MAMDC2: variants seen among roughly 807,000 people sequenced by gnomAD.
The protein encoded by MAMDC2 is MAM domain containing 2.
In MAMDC2, 57 loss-of-function variants were observed where a neutral mutation model predicts 89.8. That is an observed-to-expected ratio of 0.63 (90% CI 0.51 to 0.79). The LOEUF (loss-of-function observed/expected upper bound fraction) is 0.79. MAMDC2 is among the 30% of genes least tolerant of loss of function. MAMDC2 has a pLI of 0.00. For synonymous variants in MAMDC2, 313 were observed against 293.4 expected, an observed-to-expected ratio of 1.07 and a Z score of -0.68; for missense variants, 800 against 820.6, an observed-to-expected ratio of 0.97 and a Z score of 0.31.
intron 9 of MAMDC2, among the ~76,000 whole-genome samples, chr9:70,156,679 A>G (rs1227915381): frequency 6.6e-6 from 1 of 152,252 alleles, no homozygotes; most frequent in Non-Finnish European, 1.5e-5. Flanking sequence ...AAGTGGAATA[A>G]GTTTTCATGT....
intron 2 of MAMDC2, chr9:70,062,509 G>T (rs1827171556): frequency 6.6e-6 from 1 of 152,148 alleles, no homozygotes; most frequent in South Asian, 2.1e-4. Context: ...AGATCAGCAG[G>T]TCTAATTTGC....
intron 2 of MAMDC2, among the ~76,000 whole-genome samples, chr9:70,097,707 G>A (rs1055780446): frequency 1.3e-5 from 2 of 152,006 alleles, no homozygotes; most frequent in Admixed American, 6.5e-5. Flanking sequence ...TTAGAAGTGG[G>A]ACCTGCCTAT....
chr9:70,199,266 G>C (rs896062005), intron 11 of MAMDC2, among the ~76,000 whole-genome samples: 1 of 116,578 alleles, frequency 8.6e-6, no homozygotes, highest in African/African-American at 3.2e-5. Flanking sequence ...TGATCTCATT[G>C]TTCCATTCCC....
intron 1 of MAMDC2, 44 bp downstream of exon 1, chr9:70,044,275 C>T (rs757324516): frequency 8.1e-6 from 13 of 1,595,396 alleles, no homozygotes; most frequent in African/African-American, 1.3e-5. Flanking sequence ...GCTCTGACGA[C>T]TCGCCCCCGC....
chr9:70,079,697 TAATA>T (rs1827612003), intron 2 of MAMDC2, among the ~76,000 whole-genome samples: 2 of 152,300 alleles, frequency 1.3e-5, no homozygotes, highest in Non-Finnish European at 2.9e-5. Flanking sequence ...TCAGATGTCA[TAATA>T]AATCTGTCCT....
At chr9:70,072,973 T>C (rs555146208) in intron 2 of MAMDC2, among the ~76,000 whole-genome samples, 52 of 152,134 alleles carry the variant, frequency 3.4e-4, no homozygotes, top group Non-Finnish European at 6.5e-4. Flanking sequence ...GTAGCTGGGA[T>C]TACAGGCATG....
At chr9:70,108,908 T>C (rs542053179) in intron 3 of MAMDC2, among the ~76,000 whole-genome samples, 1 of 152,310 alleles carries the variant, frequency 6.6e-6, no homozygotes, top group African/African-American at 2.4e-5. Context: ...TGAAAATACT[T>C]TAAAAGAGAA....
chr9:70,217,052 C>T (rs943044500), intron 11 of MAMDC2: 5 of 429,854 alleles, frequency 1.2e-5, no homozygotes, highest in Admixed American at 1.1e-4. Flanking sequence ...ATCTACATGC[C>T]GATTAATCCT....
intron 12 of MAMDC2, among the ~76,000 whole-genome samples, chr9:70,219,763 G>A (rs2033524049): frequency 1.3e-5 from 2 of 152,184 alleles, no homozygotes; most frequent in African/African-American, 4.8e-5. Context: ...GTGATTTAAT[G>A]TCTGTTCGAA....
intron 2 of MAMDC2, among the ~76,000 whole-genome samples, chr9:70,106,796 T>C (rs948462385): frequency 2.0e-5 from 3 of 152,154 alleles, no homozygotes; most frequent in African/African-American, 7.2e-5. Flanking sequence ...ATCTTGATCT[T>C]GAAATCCTTC....
intron 2 of MAMDC2, among the ~76,000 whole-genome samples, chr9:70,071,218 T>G (rs1407199071): frequency 6.6e-6 from 1 of 152,152 alleles, no homozygotes; most frequent in Non-Finnish European, 1.5e-5. Context: ...AGACCAACCG[T>G]GAGATGAAGG....
intron 9 of MAMDC2, among the ~76,000 whole-genome samples, chr9:70,155,805 T>C (rs2031741467): frequency 1.3e-5 from 2 of 152,212 alleles, no homozygotes; most frequent in South Asian, 4.1e-4. Context: ...ATCTCATTGA[T>C]CTTGTTGCAG....
chr9:70,126,308 A>C lies in MAMDC2; in HGVS notation c.793A>C (p.Thr265Pro). 6.2e-7 allele frequency: 1 copy of C among 1,613,942 alleles called. No homozygotes were observed. Among genetic ancestry groups the C allele is most frequent in the Non-Finnish European group, 8.5e-7 (1 of 1,179,990 alleles). Reference protein sequence around the residue: ...QGNDNVFSLYTRDVAGLYEEI... With the variant: ...QGNDNVFSLYPRDVAGLYEEI... ...GAATGACAATGTCTTTTCCCTTTACACTCGGGATGTGGCTGGCCTTTACGA... is the reference window on the plus strand; with the variant it reads ...GAATGACAATGTCTTTTCCCTTTACCCTCGGGATGTGGCTGGCCTTTACGA... The change falls in exon 6 of 14, where the codon ACT (threonine) becomes CCT (proline). Residue 265 changes from threonine to proline, a missense_variant. Coordinates refer to ENST00000377182, the MANE Select transcript of MAMDC2 (RefSeq NM_153267.5).
chr9:70,199,383 T>C (rs2033049056), intron 11 of MAMDC2, among the ~76,000 whole-genome samples: 1 of 147,430 alleles, frequency 6.8e-6, no homozygotes, highest in African/African-American at 2.5e-5. Flanking sequence ...CATGAACTCA[T>C]CATTTTTTAT....
intron 5 of MAMDC2, among the ~76,000 whole-genome samples, chr9:70,125,716 C>G (rs889791767): frequency 6.6e-6 from 1 of 152,184 alleles, no homozygotes; most frequent in African/African-American, 2.4e-5. Flanking sequence ...TCTCCATGCC[C>G]TTTTAAGAAT....
At chr9:70,214,087 G>GA (rs1271968497) in intron 11 of MAMDC2, among the ~76,000 whole-genome samples, 10 of 151,574 alleles carry the variant, frequency 6.6e-5, no homozygotes, top group East Asian at 3.9e-4. Flanking sequence ...AACTAAACAA[G>GA]AAAAAAAATC....
At chr9:70,207,697 G>T (rs1012532159) in intron 11 of MAMDC2, among the ~76,000 whole-genome samples, 10 of 152,160 alleles carry the variant, frequency 6.6e-5, no homozygotes, top group Non-Finnish European at 1.5e-5. Flanking sequence ...TCGACATGAA[G>T]TCCTTGCCCA....
At chr9:70,123,582 C>T (rs1183433496) in intron 5 of MAMDC2, among the ~76,000 whole-genome samples, 3 of 152,082 alleles carry the variant, frequency 2.0e-5, no homozygotes, top group African/African-American at 7.2e-5. Flanking sequence ...AGTCAAAATT[C>T]AAATGTTGAA....
chr9:70,111,100 C>A (rs573342532), intron 4 of MAMDC2, among the ~76,000 whole-genome samples: 1 of 152,140 alleles, frequency 6.6e-6, no homozygotes, highest in African/African-American at 2.4e-5. Flanking sequence ...TTGAGCCTCC[C>A]GCTGGGCTTC....
Sources: gnomAD v4.1 joint callset for allele counts (sites outside exome capture counted in the v4.1 genomes callset) on GRCh38, gnomAD v4.1.1 for gene constraint, MANE v1.5 for transcripts, NCBI Gene and HGNC (gene_info 2026-07-23, HGNC 2026-07-21) for gene names.